Variants in SULF2 observed in about 807,000 individuals in gnomAD.
The protein encoded by SULF2 is extracellular sulfatase Sulf-2.
SULF2 carries 52 observed loss-of-function variants against 107.7 expected under a neutral mutation model. That is an observed-to-expected ratio of 0.48 (90% CI 0.39 to 0.61). SULF2 has a LOEUF of 0.61. Ranked by LOEUF, SULF2 falls within the 20% of genes least tolerant of loss-of-function variation. The pLI is 0.00. For missense variants in SULF2, 993 were observed against 1,177.3 expected (o/e 0.84, Z 2.29); for synonymous variants, 460 against 464.3 (o/e 0.99, Z 0.12).
intron 3 of SULF2, among the ~76,000 whole-genome samples, chr20:47,725,792 G>A (rs1260167383): frequency 2.0e-5 from 3 of 152,188 alleles, no homozygotes; most frequent in Admixed American, 6.5e-5. Flanking sequence ...AGGCTAGAAC[G>A]GGTTCACACA....
intron 1 of SULF2, among the ~76,000 whole-genome samples, chr20:47,765,090 G>GC (rs2090499740): frequency 6.6e-6 from 1 of 152,128 alleles, no homozygotes; most frequent in Non-Finnish European, 1.5e-5. Flanking sequence ...GGCAGCTCAC[G>GC]TCTGTAATCC....
At position 47,768,497 on chromosome 20, in the gene SULF2, G is replaced by C. The variant is rs182486457; in HGVS notation, c.-100-11034C>G. 2.9e-3 allele frequency among the ~76,000 whole-genome samples: 443 copies of C among 152,370 alleles called. 2 individuals carry two copies. Among genetic ancestry groups the C allele is most frequent in the African/African-American group, 0.01 (428 of 41,590 alleles). ...CAAATTGGGGGGCGGGCTGGAGGCA[G>C]AGGGCTGACTCCCGTGGCTTCCTGG... On this transcript the variant is annotated intron_variant, in intron 1 of 20. Coordinates refer to ENST00000688720, the MANE Select transcript of SULF2 (RefSeq NM_001387048.1).
At chr20:47,757,927 A>G (rs1448971282) in intron 1 of SULF2, among the ~76,000 whole-genome samples, 2 of 152,138 alleles carry the variant, frequency 1.3e-5, no homozygotes, top group East Asian at 3.9e-4. Context: ...CGGGGGATTC[A>G]ATCAGGGGTT....
chr20:47,688,004 T>C (rs185763309), intron 5 of SULF2, among the ~76,000 whole-genome samples: 6 of 152,224 alleles, frequency 3.9e-5, no homozygotes, highest in African/African-American at 1.2e-4. Flanking sequence ...TGTGTGTCTG[T>C]ATGTATGTGA....
At chr20:47,785,772 CCGGGGCG>C (rs906907939), upstream of SULF2, 129 of 148,474 alleles carry the variant, frequency 8.7e-4, no homozygotes, top group African/African-American at 3.0e-3. Context: ...CGGCTGGGGC[CCGGGGCG>C]CGGGGGGCCC....
chr20:47,747,018 T>TATATATATACAC (rs1232551264), intron 2 of SULF2, among the ~76,000 whole-genome samples: 183 of 75,036 alleles, frequency 2.4e-3, no homozygotes, highest in African/African-American at 6.4e-3. Flanking sequence ...TATATATATA[T>TATATATATACAC]ACACACACAC....
chr20:47,747,700 T>C (rs774343701), intron 2 of SULF2, among the ~76,000 whole-genome samples: 33 of 152,060 alleles, frequency 2.2e-4, no homozygotes, highest in Admixed American at 1.6e-3. Context: ...TGGGTGATGT[T>C]TGCAAAGCAA....
Position 47,777,352 on chromosome 20 carries a change from A to G in SULF2, c.-101+7991T>C, listed in dbSNP as rs141591565. Among the ~76,000 whole-genome samples, 3 of 152,246 alleles carry G rather than the reference A, an allele frequency of 2.0e-5. No homozygotes were observed. The East Asian group carries it at 5.8e-4, about 29-fold the overall frequency. ...TGGCAAGGATTTTACTCTCTGATTA[A>G]AAGAGAGACAGCAAGGAGTCCTGTC... On this transcript the variant is annotated intron_variant, in intron 1 of 20. Coordinates refer to ENST00000688720, the MANE Select transcript of SULF2 (RefSeq NM_001387048.1).
Position 47,680,280 on chromosome 20 carries a change from T to G in SULF2, c.1065-1476A>C, listed in dbSNP as rs1332841877. Among the ~76,000 whole-genome samples, 1 of 152,128 alleles carries G rather than the reference T, an allele frequency of 6.6e-6. No individual in the cohort carries two copies. The highest frequency in any genetic ancestry group is 1.5e-5 in the Non-Finnish European group (1 of 68,032). The stretch of plus-strand genomic sequence containing the variant: ...CCATCACACCCATAATTTTTGTACT[T>G]TTAGTAGAGGTGGGGTTTCACCATG... On this transcript the variant is annotated intron_variant, in intron 7 of 20. Coordinates refer to ENST00000688720, the MANE Select transcript of SULF2 (RefSeq NM_001387048.1). This position sits in a 1 kb window ranked among gnomAD's most constrained non-coding sequence, Gnocchi z 4.2.
Position 47,748,730 on chromosome 20 carries a change from T to C in SULF2, c.175+8459A>G, listed in dbSNP as rs1010626286. On this transcript the variant is annotated intron_variant, in intron 2 of 20. Coordinates refer to ENST00000688720, the MANE Select transcript of SULF2 (RefSeq NM_001387048.1). The stretch of plus-strand genomic sequence containing the variant: ...GAAGAGAGTGAGGTTGGTGGACAGA[T>C]TCCTCCACCTTCCTCTCTGTGGTGC... 1.9e-4 allele frequency among the ~76,000 whole-genome samples: 29 copies of C among 152,066 alleles called. No individual in the cohort carries two copies. The East Asian group carries it at 4.2e-3, about 22-fold the overall frequency.
chr20:47,778,255 T>G (rs1187126651), intron 1 of SULF2, among the ~76,000 whole-genome samples: 1 of 152,250 alleles, frequency 6.6e-6, no homozygotes, highest in African/African-American at 2.4e-5. Context: ...CTAACACATC[T>G]GGCTTCCACA....
chr20:47,785,061 G>A (rs900364004), intron 1 of SULF2, among the ~76,000 whole-genome samples: 1 of 152,068 alleles, frequency 6.6e-6, no homozygotes, highest in Non-Finnish European at 1.5e-5. Flanking sequence ...TGCCGTGTCC[G>A]CGGGTCAGGG....
intron 4 of SULF2, among the ~76,000 whole-genome samples, chr20:47,696,492 T>C (rs914388141): frequency 3.3e-5 from 5 of 152,220 alleles, no homozygotes; most frequent in African/African-American, 9.6e-5. Context: ...TATCACTTTA[T>C]GCATCTTTTT....
chr20:47,666,775 A>C lies in SULF2; in HGVS notation c.1577-287T>G, dbSNP rs1473157109. Among the ~76,000 whole-genome samples, 3 of 152,240 alleles carry C rather than the reference A, an allele frequency of 2.0e-5. No individual in the cohort carries two copies. The highest frequency in any genetic ancestry group is 4.8e-5 in the African/African-American group (2 of 41,472). On this transcript the variant is annotated intron_variant, in intron 11 of 20. Transcript: ENST00000688720. The surrounding 1 kb of genome is among the most constrained non-coding windows in gnomAD (Gnocchi z 5.4). ...CTTGCGGGTAAACAAATGGCGGTAC[A>C]TCATCTGTACAACGGAATATGCGAC...
chr20:47,764,783 A>T lies in SULF2; in HGVS notation c.-100-7320T>A, dbSNP rs571487949. Among the ~76,000 whole-genome samples, 4 of 152,336 alleles carry T rather than the reference A, an allele frequency of 2.6e-5. No homozygotes were observed. In the South Asian group the frequency reaches 8.3e-4, roughly 32 times the overall value. On this transcript the variant is annotated intron_variant, in intron 1 of 20. Transcript: ENST00000688720. ...GTCCGAATTAGGGCTGTCATTTGCA[A>T]CAGGGAGCACCCAGACCAACACAGG...
intron 4 of SULF2, among the ~76,000 whole-genome samples, chr20:47,699,394 T>C (rs2088487912): frequency 6.6e-6 from 1 of 151,840 alleles, no homozygotes; most frequent in South Asian, 2.1e-4. Flanking sequence ...TACTACATGT[T>C]ATCAGAAGTA....
intron 10 of SULF2, among the ~76,000 whole-genome samples, chr20:47,673,210 T>C (rs1167905177): frequency 6.6e-6 from 1 of 152,212 alleles, no homozygotes; most frequent in African/African-American, 2.4e-5. Flanking sequence ...CTCCAGCCCA[T>C]TGACCCAGTG....
intron 3 of SULF2, among the ~76,000 whole-genome samples, chr20:47,719,035 C>T (rs62201696): frequency 0.14 from 21,662 of 152,176 alleles, 1,786 homozygotes; most frequent in East Asian, 0.25. Context: ...TAACTAGCAT[C>T]CCCTTCAATT....
intron 1 of SULF2, among the ~76,000 whole-genome samples, chr20:47,760,230 T>C (rs986251576): frequency 2.6e-5 from 4 of 152,144 alleles, no homozygotes; most frequent in Non-Finnish European, 1.5e-5. Context: ...CCAGCTCTGC[T>C]TGGCACCCTG....
Sources: allele counts gnomAD v4.1 joint callset (sites outside exome capture counted in the v4.1 genomes callset), GRCh38; gene constraint gnomAD v4.1.1; non-coding constraint Gnocchi (gnomAD v3.1); transcripts MANE v1.5; gene names NCBI Gene and HGNC (gene_info 2026-07-23, HGNC 2026-07-21).